The following OR3A2 variants were observed in gnomAD, a reference collection of about 807,000 sequenced individuals.
OR3A2 encodes olfactory receptor family 3 subfamily A member 2.
For missense variants in OR3A2, 318 were observed against 392.8 expected (o/e 0.81, Z 1.61); for synonymous variants, 126 against 159.3 (o/e 0.79, Z 1.57).
At chr17:3,285,624 A>C (rs1432374078), upstream of OR3A2, among the ~76,000 whole-genome samples, 1 of 152,086 alleles carries the variant, frequency 6.6e-6, no homozygotes, top group East Asian at 1.9e-4. Flanking sequence ...CCATCTCTAC[A>C]AAAAATAACA....
intron 2 of OR3A2, among the ~76,000 whole-genome samples, chr17:3,372,473 G>C (rs1190449039): frequency 6.6e-6 from 1 of 151,990 alleles, no homozygotes; most frequent in Non-Finnish European, 1.5e-5. Flanking sequence ...CAAGGCAGGC[G>C]GCTGGGAGGT....
chr17:3,286,587 G>A (rs1216095053), upstream of OR3A2, among the ~76,000 whole-genome samples: 2 of 152,078 alleles, frequency 1.3e-5, no homozygotes, highest in Non-Finnish European at 2.9e-5. Context: ...ATTGTTTCCT[G>A]TTGTTTCCTG....
intron 2 of OR3A2, among the ~76,000 whole-genome samples, chr17:3,372,448 G>A (rs1182926290): frequency 8.5e-5 from 13 of 152,070 alleles, no homozygotes; most frequent in African/African-American, 2.7e-4. Flanking sequence ...CTGCAATCTC[G>A]GCACTTTGGG....
rs144174017 is a variant in OR3A2, at chr17:3,292,226, G to T, written c.-84-13073C>A. On this transcript the variant is annotated intron_variant, in intron 3 of 4. Transcript: ENST00000573491. ...CCAGGAATCGGTCATAGGCCATGGC[G>T]GTCAGCAGGAAGCAGTCCACTCCAA... 5.0e-6 allele frequency: 8 copies of T among 1,614,132 alleles called. No individual in the cohort carries two copies. The Admixed American group carries it at 1.3e-4, about 27-fold the overall frequency.
intron 3 of OR3A2, chr17:3,291,931 C>T: frequency 6.2e-7 from 1 of 1,614,178 alleles, no homozygotes; most frequent in Non-Finnish European, 8.5e-7. Context: ...TAGGAGATGA[C>T]AATGAGAGCC....
At chr17:3,360,663 G>A (rs750022465) in intron 2 of OR3A2, among the ~76,000 whole-genome samples, 3 of 151,616 alleles carry the variant, frequency 2.0e-5, no homozygotes, top group East Asian at 3.9e-4. Context: ...AGCACCATTT[G>A]TTAAATAGGG....
intron 2 of OR3A2, among the ~76,000 whole-genome samples, chr17:3,343,303 T>C (rs968928734): frequency 5.9e-5 from 9 of 152,098 alleles, no homozygotes; most frequent in African/African-American, 2.2e-4. Context: ...ACCAGGTACC[T>C]CAGTTGGAAA....
chr17:3,352,138 A>G (rs924416818), intron 2 of OR3A2, among the ~76,000 whole-genome samples: 4 of 151,926 alleles, frequency 2.6e-5, no homozygotes, highest in African/African-American at 4.8e-5. Flanking sequence ...AGCTCCTCAT[A>G]TATTCTGGTT....
chr17:3,385,480 G>A (rs2049769925), intron 1 of OR3A2, among the ~76,000 whole-genome samples: 1 of 152,186 alleles, frequency 6.6e-6, no homozygotes, highest in South Asian at 2.1e-4. Flanking sequence ...GAGGAGTTTG[G>A]ATAGATAGAT....
intron 2 of OR3A2, among the ~76,000 whole-genome samples, chr17:3,368,478 T>C (rs184275895): frequency 4.3e-4 from 66 of 152,316 alleles, no homozygotes; most frequent in East Asian, 1.5e-3. Flanking sequence ...CCAGCACCAT[T>C]TGTTGAATAG....
intron 2 of OR3A2, among the ~76,000 whole-genome samples, chr17:3,376,772 G>C (rs1009949748): frequency 7.5e-6 from 1 of 132,614 alleles, no homozygotes; most frequent in Non-Finnish European, 1.6e-5. Flanking sequence ...ACAGAGGTCA[G>C]CTAGAAGCTT....
upstream of OR3A2, among the ~76,000 whole-genome samples, chr17:3,285,978 C>T (rs948438733): frequency 6.6e-6 from 1 of 152,172 alleles, no homozygotes; most frequent in Non-Finnish European, 1.5e-5. Context: ...AGGTTCGTTA[C>T]ATAGGTATAC....
intron 3 of OR3A2, among the ~76,000 whole-genome samples, chr17:3,301,530 G>A (rs1265614988): frequency 6.6e-6 from 1 of 152,156 alleles, no homozygotes; most frequent in Non-Finnish European, 1.5e-5. Flanking sequence ...CCCACTTTTT[G>A]ATGGGGTTGT....
At chr17:3,307,591 C>A (rs13341121) in intron 3 of OR3A2, among the ~76,000 whole-genome samples, 25,265 of 152,160 alleles carry the variant, frequency 0.17, 2,992 homozygotes, top group African/African-American at 0.33. Flanking sequence ...GTCCTCTAAC[C>A]CTTTATCTTC....
chr17:3,285,412 A>G (rs948394555), upstream of OR3A2, among the ~76,000 whole-genome samples: 1 of 152,136 alleles, frequency 6.6e-6, no homozygotes, highest in Non-Finnish European at 1.5e-5. Context: ...ATCCTTCCTC[A>G]CAGAGCACTG....
chr17:3,381,318 GT>G (rs76590302), intron 2 of OR3A2, among the ~76,000 whole-genome samples: 3,570 of 143,208 alleles, frequency 0.025, 101 homozygotes, highest in African/African-American at 0.074. Context: ...CAAACATAGG[GT>G]TTTTTTTTTT....
intron 2 of OR3A2, among the ~76,000 whole-genome samples, chr17:3,358,071 T>C (rs1037129393): frequency 6.6e-6 from 1 of 151,552 alleles, no homozygotes; most frequent in Non-Finnish European, 1.5e-5. Context: ...GGCTGAGCTG[T>C]ACTACTGGCA....
chr17:3,308,508 T>G (rs2049015190), intron 3 of OR3A2, among the ~76,000 whole-genome samples: 1 of 152,068 alleles, frequency 6.6e-6, no homozygotes, highest in South Asian at 2.1e-4. Context: ...CCAGTGGGAT[T>G]TGGGTGCTTC....
chr17:3,300,010 G>A (rs1419062729), intron 3 of OR3A2, among the ~76,000 whole-genome samples: 2 of 151,892 alleles, frequency 1.3e-5, no homozygotes, highest in African/African-American at 2.4e-5. Flanking sequence ...CTTTGCAGAG[G>A]AGGAATTTGA....
Sources: allele counts gnomAD v4.1 joint callset (sites outside exome capture counted in the v4.1 genomes callset), GRCh38; gene constraint gnomAD v4.1.1; transcripts MANE v1.5; gene names NCBI Gene and HGNC (gene_info 2026-07-23, HGNC 2026-07-21).